The following SUB1 variants were observed in gnomAD, a reference collection of about 807,000 sequenced individuals.
SUB1 encodes the protein SUB1 regulator of transcription.
In SUB1, 1 loss-of-function variant was observed where a neutral mutation model predicts 16.9. The observed-to-expected ratio is 0.06, with a 90% confidence interval of 0.02 to 0.28. The LOEUF (loss-of-function observed/expected upper bound fraction) is 0.28, where lower values mean the gene tolerates loss of function less well. Among genes scored for constraint, SUB1 ranks in the 10% least tolerant of loss-of-function variants. The pLI is 1.00. For missense variants in SUB1, 84 were observed against 145.2 expected, an observed-to-expected ratio of 0.58 and a Z score of 2.16; for synonymous variants, 51 against 46.9, an observed-to-expected ratio of 1.09 and a Z score of -0.36.
In SUB1 at chr5:32,603,170, T is replaced by C. The variant is rs979053325; in HGVS notation, c.*2086T>C. The C allele has an allele frequency of 3.3e-5, 5 of 152,172 alleles. No homozygotes were observed. Among genetic ancestry groups the C allele is most frequent in the Non-Finnish European group, 5.9e-5 (4 of 67,988 alleles). 9.4% of individuals were successfully genotyped at this position (152,172 alleles called of 1,614,324 possible). On this transcript the variant is annotated 3_prime_UTR_variant, in exon 5 of 5. Coordinates refer to ENST00000265073, the MANE Select transcript of SUB1 (RefSeq NM_006713.4). ...CACAGTTGGTAAGTTGACTGCTAAC[T>C]TCATTTAAATGTGTTACTGGATATG...
Position 32,601,845 on chromosome 5 carries a change from G to C in SUB1, c.*761G>C, listed in dbSNP as rs956547961. 6.2e-6 allele frequency: 1 copy of C among 161,658 alleles called. No homozygotes were observed. The highest frequency in any genetic ancestry group is 2.4e-5 in the African/African-American group (1 of 41,584). The allele number at this position is 161,658 out of a possible 1,614,324, so 10.0% of individuals were successfully genotyped here. ...TTAGTCTGCAGAAAATAATGACTTA[G>C]ATGAGATGTCTGACTTGCTTTCACT... On this transcript the variant is annotated 3_prime_UTR_variant, in exon 5 of 5. Transcript: ENST00000265073.
intron 3 of SUB1, chr5:32,596,357 A>T (rs1175318515): frequency 6.6e-6 from 1 of 151,626 alleles, no homozygotes; most frequent in African/African-American, 2.4e-5. Context: ...TTACCTTTTT[A>T]TTTTCTGAAG....
rs1579519573 is a variant in SUB1, at chr5:32,600,204, G to A, written c.305-801G>A. ...TTTTAACCCTGATAGGGTGACCCTA[G>A]AGTGCAGTTACCCGGGTATACTCTC... is the stretch of plus-strand genomic sequence containing the variant. On this transcript the variant is annotated intron_variant, in intron 4 of 4. Coordinates refer to ENST00000265073, the MANE Select transcript of SUB1 (RefSeq NM_006713.4). 3.3e-5 allele frequency among the ~76,000 whole-genome samples: 5 copies of A among 152,342 alleles called. 1 individual carries two copies. The highest frequency in any genetic ancestry group is 3.3e-4 in the Admixed American group (5 of 15,294).
At chr5:32,595,966 A>G (rs1015059703) in intron 3 of SUB1, 4 of 80,860 alleles carry the variant, frequency 4.9e-5, no homozygotes, top group African/African-American at 1.2e-4. Context: ...TGTGAAGAGT[A>G]TCTTTTGGCC....
Position 32,602,614 on chromosome 5 carries a change from A to G in SUB1, c.*1530A>G, listed in dbSNP as rs962287477. ...CATTTGCCAGGCCACATAGTTATCAATTTTTTTTTCTATCAGCTATTCTGT... is the reference window on the plus strand; with the variant it reads ...CATTTGCCAGGCCACATAGTTATCAGTTTTTTTTTCTATCAGCTATTCTGT... On this transcript the variant is annotated 3_prime_UTR_variant, in exon 5 of 5. Coordinates refer to ENST00000265073, the MANE Select transcript of SUB1 (RefSeq NM_006713.4). 22 of 160,126 alleles carry G rather than the reference A, an allele frequency of 1.4e-4. No individual in the cohort carries two copies. The highest frequency in any genetic ancestry group is 4.6e-4 in the African/African-American group (19 of 41,420). The allele number at this position is 160,126 out of a possible 1,614,324, so 9.9% of individuals were successfully genotyped here. A position where few individuals can be genotyped will look rare whatever the true frequency, so the allele number is the denominator to read the frequency against.
intron 3 of SUB1, chr5:32,595,148 T>TC (rs1561035587): frequency 6.6e-6 from 1 of 151,790 alleles, no homozygotes; most frequent in African/African-American, 2.4e-5. Context: ...ACTCTTTTTT[T>TC]CCCCCCAAGG....
At chr5:32,594,054 A>C (rs984661820) in intron 3 of SUB1, among the ~76,000 whole-genome samples, 1 of 152,188 alleles carries the variant, frequency 6.6e-6, no homozygotes, top group African/African-American at 2.4e-5. Context: ...AAATAATATG[A>C]TACTTAATTT....
rs1483179271 is a variant in SUB1 at position 32,604,037 on chromosome 5, A to G, written c.*2953A>G. ...TGGAGATGTCTGAATATAATACTCC[A>G]TCTGTGAATATTTTAAATGTTGAAA... is the stretch of plus-strand genomic sequence containing the variant. On this transcript the variant is annotated 3_prime_UTR_variant, in exon 5 of 5. Coordinates refer to ENST00000265073, the MANE Select transcript of SUB1 (RefSeq NM_006713.4). 2 of 152,006 alleles carry G rather than the reference A, an allele frequency of 1.3e-5. No individual in the cohort carries two copies. The highest frequency in any genetic ancestry group is 1.5e-5 in the Non-Finnish European group (1 of 67,908). The allele number at this position is 152,006 out of a possible 1,614,324, so 9.4% of individuals were successfully genotyped here.
chr5:32,598,021 G>A (rs1184555255), intron 3 of SUB1: 1 of 152,028 alleles, frequency 6.6e-6, no homozygotes, highest in Non-Finnish European at 1.5e-5. Flanking sequence ...CACAGCTGCA[G>A]ATTTCAGTCC....
chr5:32,588,518 T>A lies in SUB1; in HGVS notation c.6T>A (p.Pro2=). Residue 2 remains proline, a synonymous_variant, in exon 2 of 5, where the codon CCT becomes CCA. Coordinates refer to ENST00000265073, the MANE Select transcript of SUB1 (RefSeq NM_006713.4). M[P]KSKELVSSSS... The stretch of plus-strand genomic sequence containing the variant: ...TAATGTATTTTTCTTTCAGGATGCC[T>A]AAATCAAAGGAACTTGTTTCTTCAA... 6.2e-7 allele frequency: 1 copy of A among 1,612,158 alleles called. No individual in the cohort carries two copies. Among genetic ancestry groups the A allele is most frequent in the Non-Finnish European group, 8.5e-7 (1 of 1,179,182 alleles).
In SUB1 at chr5:32,602,572, G is replaced by T; in HGVS notation, c.*1488G>T. Reference sequence around the variant, plus strand: ...AAAACATTTTGTAGTTACTTGTCAAGGACTTAATTTGAAAATCATTTGCCA... The same window carrying T: ...AAAACATTTTGTAGTTACTTGTCAATGACTTAATTTGAAAATCATTTGCCA... On this transcript the variant is annotated 3_prime_UTR_variant, in exon 5 of 5. Transcript: ENST00000265073. The T allele has an allele frequency of 6.2e-6, 1 of 162,186 alleles. No individual in the cohort carries two copies. Among genetic ancestry groups the T allele is most frequent in the Non-Finnish European group, 1.4e-5 (1 of 73,534 alleles). 10.0% of individuals were successfully genotyped at this position (162,186 alleles called of 1,614,324 possible). A position where few individuals can be genotyped will look rare whatever the true frequency, so the allele number is the denominator to read the frequency against.
chr5:32,588,849 A>G (rs1738743170), intron 2 of SUB1, among the ~76,000 whole-genome samples: 1 of 152,142 alleles, frequency 6.6e-6, no homozygotes, highest in Non-Finnish European at 1.5e-5. Context: ...AAGAATGTGA[A>G]TGGGTATTTC....
rs1382905777 is a variant in SUB1, at chr5:32,602,174, G to A, written c.*1090G>A. 4.4e-6 allele frequency: 2 copies of A among 453,988 alleles called. No homozygotes were observed. Among genetic ancestry groups the A allele is most frequent in the East Asian group, 1.4e-4 (2 of 14,362 alleles). 28.1% of individuals were successfully genotyped at this position (453,988 alleles called of 1,614,324 possible). A position where few individuals can be genotyped will look rare whatever the true frequency, so the allele number is the denominator to read the frequency against. On this transcript the variant is annotated 3_prime_UTR_variant, in exon 5 of 5. Transcript: ENST00000265073. The stretch of plus-strand genomic sequence containing the variant: ...TTTAGCAGACACTAGTAAGTGGTTT[G>A]TATTTAACCATACTGATGAAGCAGA...
At position 32,602,492 on chromosome 5, in the gene SUB1, G is replaced by T. The variant is rs1219582398; in HGVS notation, c.*1408G>T. ...TCTCAAATGGTTACCTGCTATTAAGGTCTGCCATATTAGAGTTTTGCACTA... is the reference window on the plus strand; with the variant it reads ...TCTCAAATGGTTACCTGCTATTAAGTTCTGCCATATTAGAGTTTTGCACTA... On this transcript the variant is annotated 3_prime_UTR_variant, in exon 5 of 5. Transcript: ENST00000265073. 4 of 213,088 alleles carry T rather than the reference G, an allele frequency of 1.9e-5. No individual in the cohort carries two copies. The highest frequency in any genetic ancestry group is 1.2e-4 in the South Asian group (2 of 17,286). The allele number at this position is 213,088 out of a possible 1,614,324, so 13.2% of individuals were successfully genotyped here. A position where few individuals can be genotyped will look rare whatever the true frequency, so the allele number is the denominator to read the frequency against.
At chr5:32,590,084 T>C (rs1039893320) in intron 2 of SUB1, among the ~76,000 whole-genome samples, 2 of 152,230 alleles carry the variant, frequency 1.3e-5, no homozygotes, top group Non-Finnish European at 2.9e-5. Flanking sequence ...AGCTTTTATT[T>C]GCCAGACATG....
At position 32,601,158 on chromosome 5, in the gene SUB1, T is replaced by G; in HGVS notation, c.*74T>G. The G allele has an allele frequency of 2.5e-6, 3 of 1,202,662 alleles. No homozygotes were observed. Among genetic ancestry groups the G allele is most frequent in the South Asian group, 2.7e-5 (2 of 74,946 alleles). 74.5% of individuals were successfully genotyped at this position (1,202,662 alleles called of 1,614,324 possible). On this transcript the variant is annotated 3_prime_UTR_variant, in exon 5 of 5. Coordinates refer to ENST00000265073, the MANE Select transcript of SUB1 (RefSeq NM_006713.4). Reference sequence around the variant, plus strand: ...TGTCTTTTTACATTGGCTTTTGTTTTCTAAATGTTCTCCAAGCTATTGTAT... The same window carrying G: ...TGTCTTTTTACATTGGCTTTTGTTTGCTAAATGTTCTCCAAGCTATTGTAT...
chr5:32,592,581 G>A (rs1228796841), intron 3 of SUB1, among the ~76,000 whole-genome samples: 1 of 152,190 alleles, frequency 6.6e-6, no homozygotes, highest in South Asian at 2.1e-4. Flanking sequence ...TAATCTGTAT[G>A]TGAGGTGATA....
At chr5:32,596,794 C>T (rs1235154185) in intron 3 of SUB1, 1 of 152,138 alleles carries the variant, frequency 6.6e-6, no homozygotes, top group Admixed American at 6.5e-5. Flanking sequence ...GCATTGTCTT[C>T]CCTTACTATA....
At chr5:32,594,213 T>A (rs1738899751) in intron 3 of SUB1, among the ~76,000 whole-genome samples, 1 of 152,202 alleles carries the variant, frequency 6.6e-6, no homozygotes, top group African/African-American at 2.4e-5. Context: ...GAGAAGATAC[T>A]AGAGATGCTT....
Sources: allele counts gnomAD v4.1 joint callset (sites outside exome capture counted in the v4.1 genomes callset), GRCh38; gene constraint gnomAD v4.1.1; transcripts MANE v1.5; gene names NCBI Gene and HGNC (gene_info 2026-07-23, HGNC 2026-07-21).